The following FTO variants were observed in gnomAD, a reference collection of about 807,000 sequenced individuals.
FTO encodes FTO alpha-ketoglutarate dependent dioxygenase.
A neutral mutation model predicts 63.9 loss-of-function variants in FTO; 47 were observed. The ratio of observed to expected loss-of-function variants is 0.74; its 90% CI spans 0.58 to 0.94. The LOEUF is 0.94. Among genes scored for constraint, FTO ranks in the 40% least tolerant of loss-of-function variants. FTO has a pLI of 0.00. For synonymous variants in FTO, 207 were observed against 224.4 expected, an observed-to-expected ratio of 0.92 and a Z score of 0.69; for missense variants, 562 against 618.1, an observed-to-expected ratio of 0.91 and a Z score of 0.96.
intron 1 of FTO, among the ~76,000 whole-genome samples, chr16:53,707,728 G>A (rs2075662645): frequency 6.6e-6 from 1 of 152,074 alleles, no homozygotes; most frequent in Non-Finnish European, 1.5e-5. Flanking sequence ...TATTGAGTGA[G>A]GTATAATTTA....
In FTO at chr16:53,873,784, A is replaced by G; in HGVS notation, c.896-2A>G. ...TATACATTTCTGGTGTTTTTCCTGT[A>G]GATGATCTCAATGCCACCCACCAAC... On this transcript the variant is annotated splice_acceptor_variant, in intron 4 of 8. Coordinates refer to ENST00000471389, the MANE Select transcript of FTO (RefSeq NM_001080432.3). LOFTEE classifies it high-confidence loss of function. 3 of 1,612,188 alleles carry G rather than the reference A, an allele frequency of 1.9e-6. No homozygotes were observed. The highest frequency in any genetic ancestry group is 2.5e-6 in the Non-Finnish European group (3 of 1,178,464).
At chr16:53,774,228 C>T (rs1013531830) in intron 1 of FTO, among the ~76,000 whole-genome samples, 2 of 152,164 alleles carry the variant, frequency 1.3e-5, no homozygotes, top group Non-Finnish European at 2.9e-5. Context: ...TGCTTTGATT[C>T]TCTCATTTCT....
In FTO at chr16:54,044,930, A is replaced by G. The variant is rs533317699; in HGVS notation, c.1365-66832A>G. On this transcript the variant is annotated intron_variant, in intron 8 of 8. Transcript: ENST00000471389. ...ACCAACGAGAACAAAGACACCACAT[A>G]ACAGAATCTCTGGGACGCATTCAAA... Among the ~76,000 whole-genome samples the G allele has an allele frequency of 8.3e-3, 892 of 107,514 alleles. 203 individuals are homozygous for G. Among genetic ancestry groups the G allele is most frequent in the Non-Finnish European group, 0.011 (686 of 60,288 alleles). The allele number at this position is 107,514 out of a possible 152,430, so 70.5% of individuals were successfully genotyped here.
chr16:53,754,914 T>C (rs1372232370), intron 1 of FTO, among the ~76,000 whole-genome samples: 2 of 152,162 alleles, frequency 1.3e-5, no homozygotes, highest in African/African-American at 4.8e-5. Context: ...ATGCTGATAG[T>C]GATTCTTCCT....
chr16:53,841,681 G>A (rs778851667), intron 3 of FTO, among the ~76,000 whole-genome samples: 4 of 152,250 alleles, frequency 2.6e-5, no homozygotes, highest in Non-Finnish European at 5.9e-5. Context: ...CACATTTGGC[G>A]GTAGAGTACG....
Position 54,115,122 on chromosome 16 carries a change from C to T in FTO, c.*3207C>T, listed in dbSNP as rs2086965774. 2 of 152,152 alleles carry T rather than the reference C, an allele frequency of 1.3e-5. No individual in the cohort carries two copies. Among genetic ancestry groups the T allele is most frequent in the Admixed American group, 6.5e-5 (1 of 15,284 alleles). The allele number at this position is 152,152 out of a possible 1,614,324, so 9.4% of individuals were successfully genotyped here. A position where few individuals can be genotyped will look rare whatever the true frequency, so the allele number is the denominator to read the frequency against. On this transcript the variant is annotated 3_prime_UTR_variant, in exon 9 of 9. Coordinates refer to ENST00000471389, the MANE Select transcript of FTO (RefSeq NM_001080432.3). ...CAGGCCCAGAAATCGCACCCTTCTC[C>T]CCATGTGTGCGGATAAGGGACCACT...
rs149486411 is a variant in FTO at position 53,891,668 on chromosome 16, C to T, written c.1239+2717C>T. Among the ~76,000 whole-genome samples, 372 of 152,222 alleles carry T rather than the reference C, an allele frequency of 2.4e-3. 1 individual carries two copies. Among genetic ancestry groups the T allele is most frequent in the African/African-American group, 8.6e-3 (356 of 41,540 alleles). ...AGAGTGAGACCTTGTCTCACGTACA[C>T]ACACACAAATAAAAAATAAAATATT... On this transcript the variant is annotated intron_variant, in intron 7 of 8. Coordinates refer to ENST00000471389, the MANE Select transcript of FTO (RefSeq NM_001080432.3).
intron 4 of FTO, among the ~76,000 whole-genome samples, chr16:53,872,886 G>A (rs2080539176): frequency 6.6e-6 from 1 of 152,162 alleles, no homozygotes; most frequent in Admixed American, 6.5e-5. Flanking sequence ...GTCATGTCCT[G>A]AGCAGAGGTT....
intron 8 of FTO, among the ~76,000 whole-genome samples, chr16:53,955,467 G>A (rs544591094): frequency 1.3e-5 from 2 of 152,192 alleles, no homozygotes; most frequent in African/African-American, 4.8e-5. Context: ...GAGATGAGGG[G>A]GAAGAGAAGG....
chr16:53,929,787 C>T lies in FTO; in HGVS notation c.1240-4198C>T, dbSNP rs138787639. On this transcript the variant is annotated intron_variant, in intron 7 of 8. Coordinates refer to ENST00000471389, the MANE Select transcript of FTO (RefSeq NM_001080432.3). ...AACAAAGGGAGGACTTCTAGGTCCTCCATACCAGCTTCAAAGAGAACTGTT... is the reference window on the plus strand; with the variant it reads ...AACAAAGGGAGGACTTCTAGGTCCTTCATACCAGCTTCAAAGAGAACTGTT... 1.4e-3 allele frequency among the ~76,000 whole-genome samples: 213 copies of T among 152,268 alleles called. 1 individual carries two copies. Among genetic ancestry groups the T allele is most frequent in the Non-Finnish European group, 2.7e-3 (181 of 68,020 alleles).
intron 7 of FTO, among the ~76,000 whole-genome samples, chr16:53,895,771 T>TCCTAGTG (rs2081265117): frequency 6.6e-6 from 1 of 152,166 alleles, no homozygotes. Context: ...AGAGGATCGT[T>TCCTAGTG]CCTAGTGCCT....
intron 5 of FTO, among the ~76,000 whole-genome samples, chr16:53,876,892 A>AATAGAG (rs1268755914): frequency 1.3e-5 from 2 of 152,340 alleles, no homozygotes; most frequent in South Asian, 4.1e-4. Flanking sequence ...GCACCACTGC[A>AATAGAG]CTCCAGCCTG....
At chr16:54,028,601 T>C (rs1467231122) in intron 8 of FTO, among the ~76,000 whole-genome samples, 1 of 152,230 alleles carries the variant, frequency 6.6e-6, no homozygotes, top group Non-Finnish European at 1.5e-5. Context: ...AAAATCTGTG[T>C]CCCATTTTAC....
chr16:54,077,556 C>T (rs895098551), intron 8 of FTO, among the ~76,000 whole-genome samples: 4 of 152,154 alleles, frequency 2.6e-5, no homozygotes, highest in Admixed American at 6.6e-5. Context: ...TGATGTTTCT[C>T]ATATGATTGC....
intron 7 of FTO, among the ~76,000 whole-genome samples, chr16:53,903,995 T>G (rs1039623347): frequency 6.6e-6 from 1 of 151,886 alleles, no homozygotes; most frequent in Non-Finnish European, 1.5e-5. Context: ...TATTTACATA[T>G]AGATTAGTTT....
At chr16:53,901,233 C>T (rs2151926282) in intron 7 of FTO, among the ~76,000 whole-genome samples, 1 of 152,264 alleles carries the variant, frequency 6.6e-6, no homozygotes, top group African/African-American at 2.4e-5. Flanking sequence ...CTTTGTTTTT[C>T]TCTGATAAAT....
intron 8 of FTO, among the ~76,000 whole-genome samples, chr16:53,945,082 G>A (rs142718927): frequency 0.026 from 3,957 of 152,240 alleles, 77 homozygotes; most frequent in Non-Finnish European, 0.032. Flanking sequence ...GACACTCTAC[G>A]CCTTAGCAAC....
chr16:53,741,900 G>A (rs2076535181), intron 1 of FTO, among the ~76,000 whole-genome samples: 1 of 152,178 alleles, frequency 6.6e-6, no homozygotes, highest in South Asian at 2.1e-4. Flanking sequence ...GAGGGGATCT[G>A]ATTCCAAGCT....
rs1443475077 is a variant in FTO, at chr16:54,119,463, G to A, written c.*7548G>A. On this transcript the variant is annotated 3_prime_UTR_variant, in exon 9 of 9. Transcript: ENST00000471389. ...CCTGCCCCCAACTCTGCAGACAGAG[G>A]TTTCCCGTTGATTATGCCTTGATTA... The A allele has an allele frequency of 3.3e-5, 5 of 152,062 alleles. No individual in the cohort carries two copies. Among genetic ancestry groups the A allele is most frequent in the African/African-American group, 1.2e-4 (5 of 41,380 alleles). 9.4% of individuals were successfully genotyped at this position (152,062 alleles called of 1,614,324 possible). A position where few individuals can be genotyped will look rare whatever the true frequency, so the allele number is the denominator to read the frequency against.
Sources: gnomAD v4.1 joint callset for allele counts (sites outside exome capture counted in the v4.1 genomes callset) on GRCh38, gnomAD v4.1.1 for gene constraint, MANE v1.5 for transcripts, NCBI Gene and HGNC (gene_info 2026-07-23, HGNC 2026-07-21) for gene names.